GLI3: variants seen among roughly 807,000 people sequenced by gnomAD.
The protein encoded by GLI3 is transcription activator GLI3.
A neutral mutation model predicts 100.8 loss-of-function variants in GLI3; 20 were observed. That is an observed-to-expected ratio of 0.20 (90% CI 0.14 to 0.29). The LOEUF (loss-of-function observed/expected upper bound fraction) is 0.29, where lower values mean the gene tolerates loss of function less well. Ranked by LOEUF, GLI3 falls within the 10% of genes least tolerant of loss-of-function variation. The probability of loss-of-function intolerance (pLI) is 1.00; values close to 1 mark genes in which losing one functional copy is unlikely to be tolerated. For synonymous variants in GLI3, 938 were observed against 860.5 expected, an observed-to-expected ratio of 1.09 and a Z score of -1.58; for missense variants, 2,040 against 2,128.5, an observed-to-expected ratio of 0.96 and a Z score of 0.82.
rs565280063 is a variant in GLI3 at position 42,137,232 on chromosome 7, G to A, written c.367+10994C>T. On this transcript the variant is annotated intron_variant, in intron 3 of 14. Transcript: ENST00000395925. ...TCAGCAAGGATCATTTCCCACCTGG[G>A]CCACTGCAACAGCAGCCTGCTAAGT... Among the ~76,000 whole-genome samples the A allele has an allele frequency of 2.1e-4, 32 of 152,268 alleles. No homozygotes were observed. The South Asian group carries it at 3.3e-3, about 16-fold the overall frequency.
At chr7:42,261,961 C>A (rs1302871937) in intron 1 of GLI3, among the ~76,000 whole-genome samples, 1 of 104,778 alleles carries the variant, frequency 9.5e-6, no homozygotes, top group Non-Finnish European at 1.9e-5. Flanking sequence ...CCTTTTTCTT[C>A]CTCTCTCTCT....
chr7:41,984,168 GC>G (rs1213904609), intron 10 of GLI3, among the ~76,000 whole-genome samples: 3 of 152,150 alleles, frequency 2.0e-5, no homozygotes, highest in African/African-American at 7.2e-5. Flanking sequence ...GGAAAGTGAA[GC>G]TTTTCTTTCA....
chr7:42,182,681 T>TATACAC (rs1338758976), intron 2 of GLI3, among the ~76,000 whole-genome samples: 1 of 56,770 alleles, frequency 1.8e-5, no homozygotes, highest in East Asian at 3.5e-4. Flanking sequence ...TATATATATA[T>TATACAC]ACACATGTGT....
chr7:42,003,263 T>C (rs1250517647), intron 10 of GLI3, among the ~76,000 whole-genome samples: 4 of 152,164 alleles, frequency 2.6e-5, no homozygotes, highest in African/African-American at 9.7e-5. Context: ...GAAGTGCATG[T>C]ATTATTTAAA....
In GLI3 at chr7:42,048,532, A is replaced by T; in HGVS notation, c.638T>A (p.Leu213His). 3 of 1,613,328 alleles carry T rather than the reference A, an allele frequency of 1.9e-6. No homozygotes were observed. Among genetic ancestry groups the T allele is most frequent in the Non-Finnish European group, 2.5e-6 (3 of 1,179,824 alleles). Residue 213 changes from leucine (L) to histidine (H), a missense_variant, in exon 5 of 15, where the codon CTC (leucine) becomes CAC (histidine). By Grantham distance (99) the Leu-to-His change is moderately conservative. Transcript: ENST00000395925. ...CCCACGGGTTGCTGAGATCATGGAG[A>T]GCGATGGGCTGCTGTGCAAGGAGCG... ...YIRSLHSSPS[L>H]SMISATRGLS...
intron 3 of GLI3, among the ~76,000 whole-genome samples, chr7:42,101,398 C>T (rs867938968): frequency 6.6e-6 from 1 of 152,128 alleles, no homozygotes; most frequent in Non-Finnish European, 1.5e-5. Context: ...TCCAAGAGTT[C>T]GAGACCACCC....
At chr7:42,082,067 A>C (rs529255714) in intron 3 of GLI3, among the ~76,000 whole-genome samples, 1 of 152,148 alleles carries the variant, frequency 6.6e-6, no homozygotes, top group Admixed American at 6.5e-5. Flanking sequence ...CCATCAGCAG[A>C]AATATCATTA....
chr7:42,140,389 G>C (rs1224967461), intron 3 of GLI3, among the ~76,000 whole-genome samples: 1 of 152,114 alleles, frequency 6.6e-6, no homozygotes, highest in Non-Finnish European at 1.5e-5. Context: ...ATAGCTAAAG[G>C]AATCAAATGG....
At chr7:42,249,045 C>A (rs1313233478) in intron 1 of GLI3, among the ~76,000 whole-genome samples, 8 of 152,114 alleles carry the variant, frequency 5.3e-5, no homozygotes, top group African/African-American at 1.9e-4. Context: ...CTGCGCCTGG[C>A]CTTATCGAAA....
intron 1 of GLI3, among the ~76,000 whole-genome samples, chr7:42,228,080 G>C (rs914036761): frequency 6.6e-6 from 1 of 152,148 alleles, no homozygotes; most frequent in Non-Finnish European, 1.5e-5. Context: ...CCCAGGCCGC[G>C]GCGGCGGCGC....
chr7:42,040,158 C>T lies in GLI3; in HGVS notation c.908G>A (p.Ser303Asn), dbSNP rs753565766. The T allele has an allele frequency of 1.9e-6, 3 of 1,613,802 alleles. No individual in the cohort carries two copies. The highest frequency in any genetic ancestry group is 1.7e-5 in the Admixed American group (1 of 60,000). ...TLSISPLSDH[S>N]FDLQTMIRTS... ...CCTTATCATGGTCTGAAGGTCAAAGCTATGATCGGAGAGTGGTGATATGGA... is the reference window on the plus strand; with the variant it reads ...CCTTATCATGGTCTGAAGGTCAAAGTTATGATCGGAGAGTGGTGATATGGA... Residue 303 changes from serine to asparagine, a missense_variant, in exon 7 of 15, where the codon AGC becomes AAC. Physicochemically the swap from Ser to Asn is conservative, Grantham distance 46. Around this residue, in one of 5 missense-constraint regions of GLI3, gnomAD observed 603 missense variants for 690.9 expected, o/e 0.87. Coordinates refer to ENST00000395925, the MANE Select transcript of GLI3 (RefSeq NM_000168.6).
chr7:42,210,350 C>CA (rs1554340077), intron 2 of GLI3, among the ~76,000 whole-genome samples: 2 of 82,122 alleles, frequency 2.4e-5, no homozygotes, highest in Non-Finnish European at 2.9e-5. Context: ...CCCCCCCCCC[C>CA]CCCCAAGTTA....
intron 10 of GLI3, among the ~76,000 whole-genome samples, chr7:42,009,754 C>T (rs1788561179): frequency 1.3e-5 from 2 of 152,142 alleles, no homozygotes; most frequent in Non-Finnish European, 2.9e-5. Context: ...AACAAATGAA[C>T]ATTCACTTGG....
intron 3 of GLI3, among the ~76,000 whole-genome samples, chr7:42,136,483 T>C (rs1786431093): frequency 6.6e-6 from 1 of 152,154 alleles, no homozygotes. Flanking sequence ...ACATGGGAAA[T>C]ATCACACATA....
chr7:42,240,492 A>G (rs4720418), upstream of GLI3, among the ~76,000 whole-genome samples: 127,335 of 152,066 alleles, frequency 0.84, 53,443 homozygotes, highest in Middle Eastern at 0.94. Context: ...AAACCTGGAA[A>G]AGAAATTTCT....
chr7:41,966,505 C>T lies in GLI3; in HGVS notation c.2568G>A (p.Ser856=). 6.2e-7 allele frequency: 1 copy of T among 1,613,560 alleles called. No individual in the cohort carries two copies. The highest frequency in any genetic ancestry group is 8.5e-7 in the Non-Finnish European group (1 of 1,179,972). Residue 856 remains serine (S), a synonymous_variant, in exon 15 of 15, where the codon TCG becomes TCA. Transcript: ENST00000395925. This position sits in a 1 kb window ranked among gnomAD's most constrained non-coding sequence, Gnocchi z 5.8. ...RRDSSASTIS[S]AYLSSRRSSG... ...AGGAGCGGCGGCTGCTCAGGTAGGC[C>T]GAGCTGATGGTGCTGGCGCTGCTGT...
intron 4 of GLI3, among the ~76,000 whole-genome samples, chr7:42,051,631 T>C (rs10259076): frequency 0.063 from 9,534 of 152,228 alleles, 431 homozygotes; most frequent in Non-Finnish European, 0.097. Flanking sequence ...AAATGCAACA[T>C]ACTGTGTGAT....
chr7:42,243,400 A>T (rs1183403462), intron 1 of GLI3, among the ~76,000 whole-genome samples: 2 of 152,228 alleles, frequency 1.3e-5, no homozygotes, highest in African/African-American at 2.4e-5. Flanking sequence ...TGTAGCATAC[A>T]GTTCTGCTTT....
Position 42,159,945 on chromosome 7 carries a change from C to T in GLI3, c.125-11477G>A, listed in dbSNP as rs1345223473. 2.0e-5 allele frequency among the ~76,000 whole-genome samples: 3 copies of T among 152,116 alleles called. No individual in the cohort carries two copies. In the East Asian group the frequency reaches 5.8e-4, roughly 29 times the overall value. On this transcript the variant is annotated intron_variant, in intron 2 of 14. Transcript: ENST00000395925. ...GTTTGGGTATTAATGGCATCAACTGCCATGTAGTATAATAAGGCAGCACAG... is the reference window on the plus strand; with the variant it reads ...GTTTGGGTATTAATGGCATCAACTGTCATGTAGTATAATAAGGCAGCACAG...
Sources: gnomAD v4.1 joint callset for allele counts (sites outside exome capture counted in the v4.1 genomes callset) on GRCh38, gnomAD v4.1.1 for gene constraint, gnomAD v4.1.1 regional missense constraint, Gnocchi (gnomAD v3.1) non-coding constraint, MANE v1.5 for transcripts, NCBI Gene and HGNC (gene_info 2026-07-23, HGNC 2026-07-21) for gene names.